The following XPNPEP1 variants were observed in gnomAD, a reference collection of about 807,000 sequenced individuals.
The protein encoded by XPNPEP1 is X-prolyl aminopeptidase 1.
A neutral mutation model predicts 92.4 loss-of-function variants in XPNPEP1; 39 were observed. The ratio of observed to expected loss-of-function variants is 0.42; its 90% CI spans 0.33 to 0.55. XPNPEP1 has a LOEUF of 0.55. Ranked by LOEUF, XPNPEP1 falls within the 20% of genes least tolerant of loss-of-function variation. The pLI, the probability that XPNPEP1 is intolerant of heterozygous loss-of-function variation, is 0.08. For missense variants in XPNPEP1, 654 were observed against 856.1 expected (o/e 0.76, Z 2.95); for synonymous variants, 307 against 299.4 (o/e 1.03, Z -0.26).
At chr10:109,870,179 C>A in intron 18 of XPNPEP1, 150 bp from the exon 19 acceptor site, 1 of 850,882 alleles carries the variant, frequency 1.2e-6, no homozygotes, top group Non-Finnish European at 1.8e-6. Context: ...CCTAGAGATG[C>A]CACCTTCTCT....
intron 2 of XPNPEP1, among the ~76,000 whole-genome samples, chr10:109,908,428 C>A (rs1052353234): frequency 6.6e-6 from 1 of 152,070 alleles, no homozygotes; most frequent in Non-Finnish European, 1.5e-5. Context: ...TATGGTGAAA[C>A]CCCGTCTCTA....
At chr10:109,892,085 C>T (rs1848734836) in intron 4 of XPNPEP1, among the ~76,000 whole-genome samples, 1 of 152,190 alleles carries the variant, frequency 6.6e-6, no homozygotes, top group Non-Finnish European at 1.5e-5. Flanking sequence ...ACTCCACTTG[C>T]ACAGTATGAG....
At chr10:109,887,430 C>CT (rs1325412598) in intron 7 of XPNPEP1, among the ~76,000 whole-genome samples, 2 of 152,178 alleles carry the variant, frequency 1.3e-5, no homozygotes, top group Non-Finnish European at 2.9e-5. Flanking sequence ...CAGGACCCCT[C>CT]TGGGCAATCT....
At chr10:109,920,308 A>G (rs1286629865) in intron 1 of XPNPEP1, among the ~76,000 whole-genome samples, 1 of 152,214 alleles carries the variant, frequency 6.6e-6, no homozygotes, top group Non-Finnish European at 1.5e-5. Flanking sequence ...TGATAGTTGT[A>G]CAACTCTGTG....
At chr10:109,887,954 A>C (rs1848484641) in intron 7 of XPNPEP1, 95 bp downstream of exon 7, 13 of 1,523,800 alleles carry the variant, frequency 8.5e-6, no homozygotes, top group Non-Finnish European at 1.1e-5. Context: ...GTCAGCTCCA[A>C]CTCGACTTGG....
At chr10:109,914,154 T>C (rs1407299454) in intron 2 of XPNPEP1, among the ~76,000 whole-genome samples, 1 of 151,232 alleles carries the variant, frequency 6.6e-6, no homozygotes, top group East Asian at 1.9e-4. Context: ...GGGATAGAAA[T>C]ACAGTAATAC....
chr10:109,893,662 T>C (rs1229705550), intron 3 of XPNPEP1, among the ~76,000 whole-genome samples: 1 of 152,152 alleles, frequency 6.6e-6, no homozygotes, highest in African/African-American at 2.4e-5. Context: ...AAAACCAAGG[T>C]CTTCTCAGCT....
chr10:109,891,741 G>T lies in XPNPEP1; in HGVS notation c.396C>A (p.Asn132Lys), dbSNP rs1162968424. ...FLQAAKQMDS[N>K]WTLMKMGLKD... ...ACCCACCCATCTTCATAAGTGTCCA[G>T]TTGCTGTCCATTTGCTTGGCAGCCT... The change falls in exon 5 of 21, where the codon AAC (asparagine) becomes AAA (lysine). Residue 132 changes from asparagine (N) to lysine (K), a missense_variant. By Grantham distance (94) the Asn-to-Lys change is moderately conservative. Coordinates refer to ENST00000502935, the MANE Select transcript of XPNPEP1 (RefSeq NM_020383.4). 6.3e-7 allele frequency: 1 copy of T among 1,588,878 alleles called. No individual in the cohort carries two copies. Among genetic ancestry groups the T allele is most frequent in the Non-Finnish European group, 8.5e-7 (1 of 1,171,770 alleles).
intron 3 of XPNPEP1, among the ~76,000 whole-genome samples, chr10:109,903,911 C>A (rs1035286079): frequency 6.7e-6 from 1 of 149,988 alleles, no homozygotes; most frequent in Non-Finnish European, 1.5e-5. Flanking sequence ...GTGGCGCAAT[C>A]TCAGCTCACT....
chr10:109,875,073 T>C (rs1477856885), intron 15 of XPNPEP1, among the ~76,000 whole-genome samples: 2 of 152,174 alleles, frequency 1.3e-5, no homozygotes, highest in Non-Finnish European at 2.9e-5. Context: ...GTTCCAGAGA[T>C]GATAGCCGTG....
At chr10:109,905,410 A>G (rs973733288) in intron 3 of XPNPEP1, among the ~76,000 whole-genome samples, 4 of 152,130 alleles carry the variant, frequency 2.6e-5, no homozygotes, top group African/African-American at 9.7e-5. Flanking sequence ...GGGTTTCACC[A>G]TGTTGGTCAG....
At chr10:109,873,279 T>A in intron 16 of XPNPEP1, 88 bp downstream of exon 16, 1 of 1,509,090 alleles carries the variant, frequency 6.6e-7, no homozygotes. Flanking sequence ...ATGTAATTTT[T>A]ACTTCTTTAT....
intron 14 of XPNPEP1, 50 bp downstream of exon 14, chr10:109,877,740 C>T: frequency 1.2e-6 from 2 of 1,610,102 alleles, no homozygotes; most frequent in East Asian, 2.2e-5. Flanking sequence ...TGCTCAGGCT[C>T]CTGTGCAGAA....
At chr10:109,887,622 C>T (rs1180681116) in intron 7 of XPNPEP1, among the ~76,000 whole-genome samples, 1 of 152,166 alleles carries the variant, frequency 6.6e-6, no homozygotes. Context: ...CACCCACACC[C>T]CAAAGCCTCT....
At chr10:109,922,264 A>G (rs1850583571) in intron 1 of XPNPEP1, among the ~76,000 whole-genome samples, 1 of 152,206 alleles carries the variant, frequency 6.6e-6, no homozygotes, top group Admixed American at 6.5e-5. Context: ...CAGCTGGTGT[A>G]GAAAAGACTC....
At chr10:109,868,467 G>C (rs1285905293) in intron 20 of XPNPEP1, 147 bp downstream of exon 20, 1 of 686,082 alleles carries the variant, frequency 1.5e-6, no homozygotes, top group African/African-American at 1.8e-5. Context: ...AGGGCTTTCA[G>C]ACTCAACTGG....
chr10:109,897,658 C>CT (rs11406139), intron 3 of XPNPEP1, among the ~76,000 whole-genome samples: 42,967 of 146,416 alleles, frequency 0.29, 6,416 homozygotes, highest in Admixed American at 0.45. Context: ...TCAGGTCTGA[C>CT]TTTTTTTTTT....
chr10:109,909,314 A>G (rs1299931518), intron 2 of XPNPEP1, among the ~76,000 whole-genome samples: 1 of 152,156 alleles, frequency 6.6e-6, no homozygotes, highest in Non-Finnish European at 1.5e-5. Flanking sequence ...GATGAGACCC[A>G]AGGTTTTCAA....
chr10:109,875,498 C>A, intron 15 of XPNPEP1, 30 bp downstream of exon 15: 1 of 1,609,846 alleles, frequency 6.2e-7, no homozygotes, highest in South Asian at 1.1e-5. Flanking sequence ...AATCCATAGT[C>A]AAGTTCCACA....
Sources: allele counts gnomAD v4.1 joint callset (sites outside exome capture counted in the v4.1 genomes callset), GRCh38; gene constraint gnomAD v4.1.1; transcripts MANE v1.5; gene names NCBI Gene and HGNC (gene_info 2026-07-23, HGNC 2026-07-21).